Variants in ROCK2 observed in about 807,000 individuals in gnomAD.
ROCK2 encodes rho-associated protein kinase 2.
Under a neutral mutation model 195.1 loss-of-function variants are expected in ROCK2, and 61 were observed. The ratio of observed to expected loss-of-function variants is 0.31; its 90% CI spans 0.25 to 0.39. ROCK2 has a LOEUF of 0.39. ROCK2 is among the 10% of genes least tolerant of loss of function. The probability of loss-of-function intolerance (pLI) is 1.00; values close to 1 mark genes in which losing one functional copy is unlikely to be tolerated. For synonymous variants in ROCK2, 504 were observed against 545.5 expected, an observed-to-expected ratio of 0.92 and a Z score of 1.06; for missense variants, 1,109 against 1,637.4, an observed-to-expected ratio of 0.68 and a Z score of 5.57.
Position 11,201,395 on chromosome 2 carries a change from C to T in ROCK2, c.2638G>A (p.Val880Ile), listed in dbSNP as rs1663845860. ...TCACATTCTTCTTTAAGCTCCCTAA[C>T]TTGTGTTTTATAAAGGGTCTAAATA... Reference protein sequence around the residue: ...QYFSTLYKTQVRELKEECEEK... With the variant: ...QYFSTLYKTQIRELKEECEEK... Residue 880 changes from valine to isoleucine, a missense_variant, in exon 22 of 33, where the codon GTT becomes ATT. By Grantham distance (29) the Val-to-Ile change is conservative (BLOSUM62 3). Around this residue, in one of 6 missense-constraint regions of ROCK2, gnomAD observed 542 missense variants for 672.0 expected, o/e 0.81. Transcript: ENST00000315872. The surrounding 1 kb of genome is among the most constrained non-coding windows in gnomAD (Gnocchi z 4.6). The T allele has an allele frequency of 6.2e-7, 1 of 1,607,178 alleles. No homozygotes were observed.
In ROCK2 at chr2:11,215,362, A is replaced by G; in HGVS notation, c.1648T>C (p.Ser550Pro). 1 of 1,607,228 alleles carries G rather than the reference A, an allele frequency of 6.2e-7. No homozygotes were observed. ...LEDLKKRNQN[S>P]QISTEKVNQL... The stretch of plus-strand genomic sequence containing the variant: ...TTCACTTTCTCAGTGGATATTTGAG[A>G]GTTTTGATTTCTTTTTTTCAAATCT... The change falls in exon 15 of 33, where the codon TCT (serine) becomes CCT (proline). Residue 550 changes from serine (S) to proline (P), a missense_variant. Around this residue, in one of 6 missense-constraint regions of ROCK2, gnomAD observed 542 missense variants for 672.0 expected, o/e 0.81. Transcript: ENST00000315872.
At chr2:11,228,467 T>G (rs1664888064) in intron 5 of ROCK2, among the ~76,000 whole-genome samples, 1 of 152,162 alleles carries the variant, frequency 6.6e-6, no homozygotes, top group Non-Finnish European at 1.5e-5. Context: ...TATTTTAGTG[T>G]GAATAGAAAT....
intron 1 of ROCK2, chr2:11,308,858 A>G: frequency 1.2e-6 from 2 of 1,611,944 alleles, no homozygotes; most frequent in Non-Finnish European, 1.7e-6. Flanking sequence ...CAAGAAACCC[A>G]CTGACTTTAA....
intron 32 of ROCK2, among the ~76,000 whole-genome samples, chr2:11,184,485 C>T (rs1663119091): frequency 6.6e-6 from 1 of 152,176 alleles, no homozygotes; most frequent in African/African-American, 2.4e-5. Context: ...AGAATCTGAA[C>T]ATAGCATTTC....
chr2:11,327,203 C>CA (rs1347232309), intron 1 of ROCK2, among the ~76,000 whole-genome samples: 2 of 152,044 alleles, frequency 1.3e-5, no homozygotes, highest in African/African-American at 4.8e-5. Flanking sequence ...AGGATTCTGG[C>CA]AAGAAGTTTA....
At chr2:11,238,153 T>C (rs1665281063) in intron 4 of ROCK2, among the ~76,000 whole-genome samples, 1 of 148,474 alleles carries the variant, frequency 6.7e-6, no homozygotes, top group Non-Finnish European at 1.5e-5. Context: ...GGCATCAGGA[T>C]GAAGAGAAGG....
At chr2:11,318,411 CTTT>C (rs1668294473) in intron 1 of ROCK2, among the ~76,000 whole-genome samples, 2 of 152,256 alleles carry the variant, frequency 1.3e-5, no homozygotes, top group African/African-American at 2.4e-5. Context: ...TAAATGTCTT[CTTT>C]TGAGAAGTGT....
At position 11,235,976 on chromosome 2, in the gene ROCK2, G is replaced by A; in HGVS notation, c.463-14C>T. 32 of 1,397,740 alleles carry A rather than the reference G, an allele frequency of 2.3e-5. No individual in the cohort carries two copies. The highest frequency in any genetic ancestry group is 1.3e-4 in the East Asian group (5 of 38,592). 86.6% of individuals were successfully genotyped at this position (1,397,740 alleles called of 1,614,324 possible). ...GGCATAAAAAAGCTGGAAAACAAAA[G>A]GAAAAGGAAAAATTTTTAAAAACCC... is the stretch of plus-strand genomic sequence containing the variant. On this transcript the variant is annotated splice_polypyrimidine_tract_variant and intron_variant, in intron 4 of 32. Transcript: ENST00000315872. This position sits in a 1 kb window ranked among gnomAD's most constrained non-coding sequence, Gnocchi z 4.2.
Position 11,215,126 on chromosome 2 carries a change from C to T in ROCK2, c.1690-40G>A, listed in dbSNP as rs759316225. ...AAAACCAAACAACAACAAACAAACACACATGTATGTAATGAAAATAAGTCA... is the reference window on the plus strand; with the variant it reads ...AAAACCAAACAACAACAAACAAACATACATGTATGTAATGAAAATAAGTCA... On this transcript the variant is annotated intron_variant, in intron 15 of 32. Coordinates refer to ENST00000315872, the MANE Select transcript of ROCK2 (RefSeq NM_004850.5). 6.8e-6 allele frequency: 11 copies of T among 1,607,908 alleles called. No homozygotes were observed. The East Asian group carries it at 1.1e-4, about 16-fold the overall frequency.
At chr2:11,234,713 A>G (rs1455623950) in intron 5 of ROCK2, 2 of 152,152 alleles carry the variant, frequency 1.3e-5, no homozygotes, top group African/African-American at 2.4e-5. Context: ...AATTATGGAC[A>G]TTATGACATT....
In ROCK2 at chr2:11,295,473, A is replaced by G. The variant is rs1667483250; in HGVS notation, c.142-7737T>C. Among the ~76,000 whole-genome samples, 4 of 152,046 alleles carry G rather than the reference A, an allele frequency of 2.6e-5. No individual in the cohort carries two copies. The South Asian group carries it at 8.3e-4, about 32-fold the overall frequency. On this transcript the variant is annotated intron_variant, in intron 1 of 32. Transcript: ENST00000315872. The stretch of plus-strand genomic sequence containing the variant: ...TATAACACATACATGCAAGAAAAAT[A>G]CCCCCAAAAGGCCTGCTGGTTTTAT...
At chr2:11,311,939 C>G (rs1668048753) in intron 1 of ROCK2, among the ~76,000 whole-genome samples, 1 of 152,136 alleles carries the variant, frequency 6.6e-6, no homozygotes, top group South Asian at 2.1e-4. Flanking sequence ...TTTCCAACTA[C>G]AAATATGTAC....
rs780233520 is a variant in ROCK2 at position 11,221,215 on chromosome 2, G to A, written c.1242C>T (p.Thr414=). ...VGNQLPFIGF[T]YYRENLLLSD... ...CCACATACAAATTTTCTCTATAGTAGGTAAATCCGATGAAAGGCAGCTGAT... is the reference window on the plus strand; with the variant it reads ...CCACATACAAATTTTCTCTATAGTAAGTAAATCCGATGAAAGGCAGCTGAT... Residue 414 remains threonine, a synonymous_variant, in exon 9 of 33, where the codon ACC becomes ACT. Transcript: ENST00000315872. 3.8e-6 allele frequency: 6 copies of A among 1,575,664 alleles called. No individual in the cohort carries two copies. The African/African-American group carries it at 8.2e-5, about 22-fold the overall frequency.
chr2:11,242,702 C>A (rs1665470049), intron 4 of ROCK2, among the ~76,000 whole-genome samples: 1 of 152,176 alleles, frequency 6.6e-6, no homozygotes, highest in South Asian at 2.1e-4. Flanking sequence ...AATCTCCACC[C>A]CTTGCCTCCT....
At chr2:11,194,724 T>C (rs763103353) in intron 28 of ROCK2, among the ~76,000 whole-genome samples, 18 of 152,050 alleles carry the variant, frequency 1.2e-4, no homozygotes, top group Non-Finnish European at 2.4e-4. Context: ...AGCAAAAGTA[T>C]CAAAATCAAC....
chr2:11,273,733 C>T (rs1666728852), intron 3 of ROCK2, among the ~76,000 whole-genome samples: 1 of 152,072 alleles, frequency 6.6e-6, no homozygotes, highest in African/African-American at 2.4e-5. Context: ...TGTCAGGCCA[C>T]AGACTAAGTC....
intron 1 of ROCK2, among the ~76,000 whole-genome samples, chr2:11,309,285 A>G (rs1047304611): frequency 6.6e-6 from 1 of 152,166 alleles, no homozygotes; most frequent in African/African-American, 2.4e-5. Context: ...CGTTATATGA[A>G]AACACTACAC....
chr2:11,293,367 C>T (rs1667418862), intron 1 of ROCK2, among the ~76,000 whole-genome samples: 1 of 152,076 alleles, frequency 6.6e-6, no homozygotes, highest in Admixed American at 6.5e-5. Context: ...CTTCTAGGGC[C>T]CTCGTTTGTA....
At chr2:11,256,177 A>G (rs1436223353) in intron 3 of ROCK2, among the ~76,000 whole-genome samples, 1 of 151,144 alleles carries the variant, frequency 6.6e-6, no homozygotes, top group East Asian at 1.9e-4. Flanking sequence ...TAATAATTAT[A>G]TATTGATATG....
Sources: allele counts gnomAD v4.1 joint callset (sites outside exome capture counted in the v4.1 genomes callset), GRCh38; gene constraint gnomAD v4.1.1; regional missense constraint gnomAD v4.1.1; non-coding constraint Gnocchi (gnomAD v3.1); transcripts MANE v1.5; gene names NCBI Gene and HGNC (gene_info 2026-07-23, HGNC 2026-07-21).